Variants in KCNQ1 observed in about 807,000 individuals in gnomAD.
KCNQ1 encodes the protein potassium voltage-gated channel subfamily Q member 1, also known as potassium voltage-gated channel subfamily KQT member 1.
Under a neutral mutation model 72.4 loss-of-function variants are expected in KCNQ1, and 49 were observed. That is an observed-to-expected ratio of 0.68 (90% CI 0.54 to 0.86). The LOEUF is 0.86. Among genes scored for constraint, KCNQ1 ranks in the 40% least tolerant of loss-of-function variants. The probability of loss-of-function intolerance (pLI) is 0.00; values close to 1 mark genes in which losing one functional copy is unlikely to be tolerated. For missense variants in KCNQ1, 790 were observed against 945.1 expected, an observed-to-expected ratio of 0.84 and a Z score of 2.15; for synonymous variants, 450 against 412.6, an observed-to-expected ratio of 1.09 and a Z score of -1.10.
At chr11:2,557,584 G>A (rs758424002) in intron 2 of KCNQ1, among the ~76,000 whole-genome samples, 3 of 152,200 alleles carry the variant, frequency 2.0e-5, no homozygotes, top group Middle Eastern at 3.2e-3. Context: ...TCAGTGGGAC[G>A]GCTCATCTCC....
intron 1 of KCNQ1, among the ~76,000 whole-genome samples, chr11:2,485,445 A>G (rs954083734): frequency 1.3e-5 from 2 of 151,694 alleles, no homozygotes; most frequent in Admixed American, 6.6e-5. Flanking sequence ...ATGAGAAAAT[A>G]CACGTGTGTT....
rs947843174 is a variant in KCNQ1 at position 2,608,094 on chromosome 11, T to C, written c.1393+19240T>C. On this transcript the variant is annotated intron_variant, in intron 10 of 15. Coordinates refer to ENST00000155840, the MANE Select transcript of KCNQ1 (RefSeq NM_000218.3). This position sits in a 1 kb window ranked among gnomAD's most constrained non-coding sequence, Gnocchi z 4.6. Reference sequence around the variant, plus strand: ...ATTTTATAAGTTCTCTTTTCATGTTTTTGTCTGGTTTTGGTGTCAGGGTGA... The same window carrying C: ...ATTTTATAAGTTCTCTTTTCATGTTCTTGTCTGGTTTTGGTGTCAGGGTGA... Among the ~76,000 whole-genome samples, 11 of 152,214 alleles carry C rather than the reference T, an allele frequency of 7.2e-5. No individual in the cohort carries two copies. Among genetic ancestry groups the C allele is most frequent in the African/African-American group, 2.7e-4 (11 of 41,462 alleles).
Position 2,649,053 on chromosome 11 carries a change from TTG to T in KCNQ1, c.1394-12903_1394-12902del, listed in dbSNP as rs1849717085. 3 of 396,654 alleles carry T rather than the reference TTG, an allele frequency of 7.6e-6. No homozygotes were observed. The South Asian group carries it at 3.9e-4, about 51-fold the overall frequency. The allele number at this position is 396,654 out of a possible 1,614,324, so 24.6% of individuals were successfully genotyped here. ...ACTCCTGCATGCTTTTGGTGTCTGT[TTG>T]TGTGGAATATCTTTTTCTATCCATT... On this transcript the variant is annotated intron_variant, in intron 10 of 15. Transcript: ENST00000155840.
In KCNQ1 at chr11:2,491,012, CAGTATTTTTATGAGTCTGCAAGAACCA is replaced by C. The variant is rs2133626601; in HGVS notation, c.387-36915_387-36889del. Among the ~76,000 whole-genome samples the C allele has an allele frequency of 6.6e-6, 1 of 152,280 alleles. No individual in the cohort carries two copies. The highest frequency in any genetic ancestry group is 2.1e-4 in the South Asian group (1 of 4,826). On this transcript the variant is annotated intron_variant, in intron 1 of 15. Transcript: ENST00000155840. This position sits in a 1 kb window ranked among gnomAD's most constrained non-coding sequence, Gnocchi z 4.1. ...TGAGCCACTGCGCCTGGCCCCAAGG[CAGTATTTTTATGAGTCTGCAAGAACCA>C]CAGTGTTACTGGGCTTGGGATGCTG...
intron 11 of KCNQ1, among the ~76,000 whole-genome samples, chr11:2,721,985 C>A (rs532069850): frequency 3.3e-5 from 5 of 152,258 alleles, no homozygotes; most frequent in Non-Finnish European, 7.3e-5. Context: ...CCTGTCCCTA[C>A]GCACACCCCC....
At chr11:2,557,848 C>G (rs567541194) in intron 2 of KCNQ1, among the ~76,000 whole-genome samples, 2 of 152,374 alleles carry the variant, frequency 1.3e-5, no homozygotes, top group South Asian at 2.1e-4. Flanking sequence ...TTAAAACCAG[C>G]ACTATCACTT....
chr11:2,543,030 G>A lies in KCNQ1; in HGVS notation c.477+15012G>A, dbSNP rs928353726. Among the ~76,000 whole-genome samples, 2 of 152,156 alleles carry A rather than the reference G, an allele frequency of 1.3e-5. No individual in the cohort carries two copies. The highest frequency in any genetic ancestry group is 4.8e-5 in the African/African-American group (2 of 41,422). On this transcript the variant is annotated intron_variant, in intron 2 of 15. Coordinates refer to ENST00000155840, the MANE Select transcript of KCNQ1 (RefSeq NM_000218.3). The surrounding 1 kb of genome is among the most constrained non-coding windows in gnomAD (Gnocchi z 5.6). Reference sequence around the variant, plus strand: ...GTTAGCCAGTCTAAGAGGTGTGCGTGGCATCCTGCTGTGGTTTTAACTTTC... The same window carrying A: ...GTTAGCCAGTCTAAGAGGTGTGCGTAGCATCCTGCTGTGGTTTTAACTTTC...
chr11:2,648,844 C>T, intron 10 of KCNQ1: 1 of 398,442 alleles, frequency 2.5e-6, no homozygotes, highest in Non-Finnish European at 4.4e-6. Context: ...GGGTCTATCT[C>T]TTTAGCACTA....
chr11:2,788,234 T>G (rs1397772671), intron 15 of KCNQ1, among the ~76,000 whole-genome samples: 4 of 151,408 alleles, frequency 2.6e-5, no homozygotes, highest in Non-Finnish European at 5.9e-5. Flanking sequence ...CAAGTTCCCC[T>G]GCCTCGAGTC....
intron 15 of KCNQ1, chr11:2,840,415 A>G (rs1462974038): frequency 1.3e-5 from 2 of 152,240 alleles, no homozygotes. Context: ...CCATCATTCC[A>G]TAAGTGGTGG....
At position 2,725,851 on chromosome 11, in the gene KCNQ1, G is replaced by A. The variant is rs1206829466; in HGVS notation, c.1515-42993G>A. ...TCCTGGGCTCTGAGAGCTCCCTGGG[G>A]CCCCACAGGCCAAGCGTTTTCTGAC... On this transcript the variant is annotated intron_variant, in intron 11 of 15. Coordinates refer to ENST00000155840, the MANE Select transcript of KCNQ1 (RefSeq NM_000218.3). This position sits in a 1 kb window ranked among gnomAD's most constrained non-coding sequence, Gnocchi z 7.2. 1.3e-5 allele frequency among the ~76,000 whole-genome samples: 2 copies of A among 152,002 alleles called. No individual in the cohort carries two copies. Among genetic ancestry groups the A allele is most frequent in the African/African-American group, 2.4e-5 (1 of 41,380 alleles).
intron 10 of KCNQ1, chr11:2,609,007 T>C (rs551335013): frequency 7.5e-6 from 3 of 398,490 alleles, no homozygotes; most frequent in African/African-American, 2.1e-5. Flanking sequence ...TTGACTTTAT[T>C]ATTTTTATAT....
chr11:2,714,234 TG>T (rs751466349), intron 11 of KCNQ1, among the ~76,000 whole-genome samples: 1 of 152,046 alleles, frequency 6.6e-6, no homozygotes, highest in African/African-American at 2.4e-5. Flanking sequence ...CCGCATCTCA[TG>T]GGGGGGTTGG....
intron 11 of KCNQ1, chr11:2,700,015 C>G (rs865818932): frequency 2.5e-6 from 1 of 398,224 alleles, no homozygotes. Context: ...TGCGGCAGCG[C>G]TCCGACTGCC....
chr11:2,551,859 G>A (rs1458270798), intron 2 of KCNQ1, among the ~76,000 whole-genome samples: 1 of 152,154 alleles, frequency 6.6e-6, no homozygotes, highest in Non-Finnish European at 1.5e-5. Flanking sequence ...AATGGTGTTG[G>A]GCATATTTGC....
chr11:2,714,873 A>G (rs1480475805), intron 11 of KCNQ1, among the ~76,000 whole-genome samples: 4 of 151,106 alleles, frequency 2.6e-5, no homozygotes, highest in African/African-American at 7.3e-5. Context: ...GGTCCTGGGG[A>G]CCTGACTTCT....
intron 15 of KCNQ1, among the ~76,000 whole-genome samples, chr11:2,835,320 G>C (rs1460110366): frequency 6.6e-6 from 1 of 152,084 alleles, no homozygotes; most frequent in Non-Finnish European, 1.5e-5. Context: ...ACCTCCCTGG[G>C]GTTCTGCTCC....
Position 2,571,306 on chromosome 11 carries a change from C to A in KCNQ1, c.605-19C>A. On this transcript the variant is annotated intron_variant, in intron 3 of 15. Coordinates refer to ENST00000155840, the MANE Select transcript of KCNQ1 (RefSeq NM_000218.3). ...GCTGTGGCGATCACGAAAAGCTCCC[C>A]CTCTCCTGCACTCCACAGACCTCAT... is the stretch of plus-strand genomic sequence containing the variant. The A allele has an allele frequency of 6.2e-7, 1 of 1,608,174 alleles. No individual in the cohort carries two copies. Among genetic ancestry groups the A allele is most frequent in the Non-Finnish European group, 8.5e-7 (1 of 1,175,340 alleles).
rs527617465 is a variant in KCNQ1 at position 2,701,557 on chromosome 11, C to T, written c.1514+39476C>T. 1.6e-4 allele frequency among the ~76,000 whole-genome samples: 24 copies of T among 152,334 alleles called. No homozygotes were observed. In the South Asian group the frequency reaches 4.4e-3, roughly 28 times the overall value. On this transcript the variant is annotated intron_variant, in intron 11 of 15. Transcript: ENST00000155840. ...TGCACCCCAGACTCAGGGTTTCACGCTATAATGTCACTGTCTTGAAATTCT... is the reference window on the plus strand; with the variant it reads ...TGCACCCCAGACTCAGGGTTTCACGTTATAATGTCACTGTCTTGAAATTCT...
Sources: gnomAD v4.1 joint callset for allele counts (sites outside exome capture counted in the v4.1 genomes callset) on GRCh38, gnomAD v4.1.1 for gene constraint, Gnocchi (gnomAD v3.1) non-coding constraint, MANE v1.5 for transcripts, NCBI Gene and HGNC (gene_info 2026-07-23, HGNC 2026-07-21) for gene names.